CAB39: variants seen among roughly 807,000 people sequenced by gnomAD.
CAB39 encodes the protein calcium-binding protein 39.
CAB39 carries 8 observed loss-of-function variants against 40.0 expected under a neutral mutation model. The observed-to-expected ratio is 0.20, with a 90% CI of 0.12 to 0.36. The LOEUF (loss-of-function observed/expected upper bound fraction) is 0.36. CAB39 is among the 10% of genes least tolerant of loss of function. The pLI is 1.00. For synonymous variants in CAB39, 156 were observed against 141.6 expected (o/e 1.10, Z -0.72); for missense variants, 270 against 401.1 (o/e 0.67, Z 2.79).
At chr2:230,754,914 A>G (rs974068715) in intron 1 of CAB39, among the ~76,000 whole-genome samples, 5 of 152,182 alleles carry the variant, frequency 3.3e-5, no homozygotes, top group Non-Finnish European at 5.9e-5. Flanking sequence ...CTTAGCTCCC[A>G]CATGTCAGTG....
intron 1 of CAB39, among the ~76,000 whole-genome samples, chr2:230,731,443 T>TA (rs1355570678): frequency 1.1e-4 from 17 of 152,312 alleles, no homozygotes; most frequent in African/African-American, 4.1e-4. Flanking sequence ...ATCTAGCTGT[T>TA]TTATTGATTG....
rs11344642 is a variant in CAB39, at chr2:230,730,445, CTT to C, written c.-44+17230_-44+17231del. 9.5e-3 allele frequency among the ~76,000 whole-genome samples: 1,210 copies of C among 127,874 alleles called. 15 individuals carry two copies. The highest frequency in any genetic ancestry group is 0.03 in the African/African-American group (1,001 of 33,118). 83.9% of individuals were successfully genotyped at this position (127,874 alleles called of 152,430 possible). On this transcript the variant is annotated intron_variant, in intron 1 of 8. Coordinates refer to ENST00000258418, the MANE Select transcript of CAB39 (RefSeq NM_016289.4). ...AACTATACATTAGAAGAAAACTTTT[CTT>C]TTTTTTTTTTTTTTGAGACCAAGTC... is the stretch of plus-strand genomic sequence containing the variant.
intron 7 of CAB39, 24 bp from the exon 8 acceptor site, chr2:230,817,730 G>T: frequency 6.5e-7 from 1 of 1,529,954 alleles, no homozygotes; most frequent in Non-Finnish European, 8.8e-7. Context: ...TAATAACAAG[G>T]TAATTGTTTA....
intron 6 of CAB39, among the ~76,000 whole-genome samples, chr2:230,811,364 T>C (rs918731069): frequency 8.5e-5 from 13 of 152,174 alleles, no homozygotes; most frequent in Middle Eastern, 3.2e-3. Context: ...AACACAACAC[T>C]GAGCACACAA....
intron 2 of CAB39, among the ~76,000 whole-genome samples, chr2:230,772,660 A>G (rs917310246): frequency 6.6e-6 from 1 of 151,502 alleles, no homozygotes; most frequent in African/African-American, 2.4e-5. Context: ...AATTTTTTGT[A>G]TTTTTTAGTA....
At chr2:230,774,352 G>GATACAAATTTGTGTATA (rs1246154915) in intron 2 of CAB39, among the ~76,000 whole-genome samples, 2 of 152,088 alleles carry the variant, frequency 1.3e-5, no homozygotes, top group African/African-American at 4.8e-5. Context: ...AATTGTGTAT[G>GATACAAATTTGTGTATA]ATACAAATAG....
intron 6 of CAB39, among the ~76,000 whole-genome samples, chr2:230,810,668 G>A (rs1230383051): frequency 1.3e-5 from 2 of 152,194 alleles, no homozygotes; most frequent in Non-Finnish European, 2.9e-5. Flanking sequence ...CATACAAATA[G>A]AGAGAAAGGG....
chr2:230,763,860 A>AC (rs1350208831), intron 2 of CAB39, among the ~76,000 whole-genome samples: 2 of 151,880 alleles, frequency 1.3e-5, no homozygotes, highest in Non-Finnish European at 2.9e-5. Context: ...GGTGGCTCAC[A>AC]CCTGTAATCC....
In CAB39 at chr2:230,745,948, T is replaced by A. The variant is rs73111562; in HGVS notation, c.-43-14011T>A. Among the ~76,000 whole-genome samples, 585 of 151,950 alleles carry A rather than the reference T, an allele frequency of 3.8e-3. 1 individual carries two copies. Among genetic ancestry groups the A allele is most frequent in the Middle Eastern group, 0.014 (4 of 294 alleles). The stretch of plus-strand genomic sequence containing the variant: ...CAAAATCTTTAAATTAAAAAAAAAA[T>A]TTTTTTAAGGATGGGGCATTCAGGG... On this transcript the variant is annotated intron_variant, in intron 1 of 8. Transcript: ENST00000258418.
At chr2:230,782,789 G>GTTTCTTTC (rs375221449) in intron 2 of CAB39, among the ~76,000 whole-genome samples, 16,139 of 117,332 alleles carry the variant, frequency 0.14, 1,730 homozygotes, top group East Asian at 0.24. Context: ...ACAGACTGCT[G>GTTTCTTTC]TTTCTTTCTT....
At position 230,798,820 on chromosome 2, in the gene CAB39, G is replaced by C. The variant is rs754679705; in HGVS notation, c.490G>C (p.Glu164Gln). ...EPLAKIILWS[E>Q]QFYDFFRYVE... ...ACTTGCAAAAATCATTTTGTGGTCG[G>C]AACAGTTTTATGATTTCTTCAGATA... The change falls in exon 5 of 9, where the codon GAA (glutamate) becomes CAA (glutamine). Residue 164 changes from glutamate to glutamine, a missense_variant. Coordinates refer to ENST00000258418, the MANE Select transcript of CAB39 (RefSeq NM_016289.4). 1.2e-6 allele frequency: 2 copies of C among 1,610,832 alleles called. No individual in the cohort carries two copies. The highest frequency in any genetic ancestry group is 2.2e-5 in the South Asian group (2 of 90,768).
chr2:230,740,781 C>T (rs1177009469), intron 1 of CAB39, among the ~76,000 whole-genome samples: 2 of 152,172 alleles, frequency 1.3e-5, no homozygotes, highest in Non-Finnish European at 2.9e-5. Context: ...CTGTTACTAG[C>T]AGGTCACTGG....
At chr2:230,724,861 AGTGAGGGTGGGG>A (rs1260793385) in intron 1 of CAB39, among the ~76,000 whole-genome samples, 1 of 149,940 alleles carries the variant, frequency 6.7e-6, no homozygotes, top group Non-Finnish European at 1.5e-5. Context: ...ACGGATTGAA[AGTGAGGGTGGGG>A]GTGAGGGATG....
chr2:230,747,377 A>G (rs1423987031), intron 1 of CAB39, among the ~76,000 whole-genome samples: 3 of 152,226 alleles, frequency 2.0e-5, no homozygotes, highest in Admixed American at 6.5e-5. Flanking sequence ...ACTATGAACC[A>G]CTTGTTGATG....
chr2:230,816,958 G>A lies in CAB39; in HGVS notation c.694-796G>A, dbSNP rs149298282. On this transcript the variant is annotated intron_variant, in intron 7 of 8. Transcript: ENST00000258418. ...GCAGCTTGGCACCTGCCCCACTGCCGGCTCTGCACACTCAGCCTTGGCCAG... is the reference window on the plus strand; with the variant it reads ...GCAGCTTGGCACCTGCCCCACTGCCAGCTCTGCACACTCAGCCTTGGCCAG... Among the ~76,000 whole-genome samples, 22 of 152,316 alleles carry A rather than the reference G, an allele frequency of 1.4e-4. No individual in the cohort carries two copies. In the East Asian group the frequency reaches 3.9e-3, roughly 27 times the overall value.
chr2:230,791,021 G>A lies in CAB39; in HGVS notation c.264G>A (p.Gln88=). ...TTAGCACCCTGGTAGCTGATTTACA[G>A]CTCATTGACTTTGAGGTAAGAAATC... ...GLLSTLVADL[Q]LIDFEGKKDV... is the part of the protein sequence containing the mutation. The change falls in exon 3 of 9, where the codon CAG becomes CAA. Residue 88 remains glutamine, a synonymous_variant. Transcript: ENST00000258418. The A allele has an allele frequency of 1.3e-6, 2 of 1,586,894 alleles. No homozygotes were observed. Among genetic ancestry groups the A allele is most frequent in the Non-Finnish European group, 1.7e-6 (2 of 1,171,918 alleles).
chr2:230,809,081 G>A (rs1204732800), intron 5 of CAB39, among the ~76,000 whole-genome samples: 3 of 152,208 alleles, frequency 2.0e-5, no homozygotes, highest in Non-Finnish European at 2.9e-5. Context: ...GAGGAGTTGA[G>A]GTCCGAAAGA....
chr2:230,761,928 G>T (rs1695301702), intron 2 of CAB39, among the ~76,000 whole-genome samples: 1 of 140,852 alleles, frequency 7.1e-6, no homozygotes, highest in Non-Finnish European at 1.6e-5. Flanking sequence ...GTTGTTTTGA[G>T]ATGGAGTCTC....
intron 1 of CAB39, among the ~76,000 whole-genome samples, chr2:230,735,063 G>A (rs188241251): frequency 1.6e-4 from 24 of 152,240 alleles, no homozygotes; most frequent in East Asian, 1.5e-3. Flanking sequence ...CTGGTCGCCT[G>A]CCCTGATACC....
Sources: allele counts gnomAD v4.1 joint callset (sites outside exome capture counted in the v4.1 genomes callset), GRCh38; gene constraint gnomAD v4.1.1; transcripts MANE v1.5; gene names NCBI Gene and HGNC (gene_info 2026-07-23, HGNC 2026-07-21).